Variants in MYOZ2 observed in about 807,000 individuals in gnomAD.
The protein encoded by MYOZ2 is myozenin-2.
Under a neutral mutation model 25.4 loss-of-function variants are expected in MYOZ2, and 19 were observed. That is an observed-to-expected ratio of 0.75 (90% CI 0.52 to 1.10). The LOEUF (loss-of-function observed/expected upper bound fraction) is 1.10, where lower values mean the gene tolerates loss of function less well. MYOZ2 is among the 50% of genes least tolerant of loss of function. The probability of loss-of-function intolerance (pLI) is 0.00; values close to 1 mark genes in which losing one functional copy is unlikely to be tolerated. For synonymous variants in MYOZ2, 92 were observed against 106.9 expected (o/e 0.86, Z 0.86); for missense variants, 270 against 317.9 (o/e 0.85, Z 1.15).
chr4:119,175,802 C>T (rs1373574627), intron 5 of MYOZ2, among the ~76,000 whole-genome samples: 1 of 151,824 alleles, frequency 6.6e-6, no homozygotes, highest in Non-Finnish European at 1.5e-5. Flanking sequence ...TGTGCAATTG[C>T]ATGGGGCCCC....
chr4:119,142,063 G>T (rs550331986), intron 2 of MYOZ2, among the ~76,000 whole-genome samples: 2 of 152,250 alleles, frequency 1.3e-5, no homozygotes, highest in South Asian at 4.1e-4. Context: ...TGACACTGAT[G>T]GATGTGCCCA....
chr4:119,170,777 G>A (rs1293716124), intron 5 of MYOZ2, among the ~76,000 whole-genome samples: 2 of 152,214 alleles, frequency 1.3e-5, no homozygotes, highest in Non-Finnish European at 2.9e-5. Context: ...AATTCATGGC[G>A]TAAGATTTTT....
At chr4:119,161,912 G>T (rs1400137319) in intron 4 of MYOZ2, among the ~76,000 whole-genome samples, 1 of 152,146 alleles carries the variant, frequency 6.6e-6, no homozygotes, top group Non-Finnish European at 1.5e-5. Flanking sequence ...TGTTAGGGTG[G>T]TGAGATTTTG....
chr4:119,166,326 C>T (rs944565688), intron 5 of MYOZ2, among the ~76,000 whole-genome samples: 2 of 151,908 alleles, frequency 1.3e-5, no homozygotes. Context: ...TGCCTGTAAT[C>T]CCAGCACTTT....
At chr4:119,162,975 G>C (rs1007570483) in intron 4 of MYOZ2, among the ~76,000 whole-genome samples, 1 of 152,104 alleles carries the variant, frequency 6.6e-6, no homozygotes, top group Non-Finnish European at 1.5e-5. Context: ...TCAGTAGAGG[G>C]CTTGATTATT....
intron 2 of MYOZ2, among the ~76,000 whole-genome samples, chr4:119,143,927 G>T (rs1439061722): frequency 2.6e-5 from 4 of 151,980 alleles, no homozygotes; most frequent in African/African-American, 7.3e-5. Flanking sequence ...GATAATCATA[G>T]TTTCACCTGC....
chr4:119,160,370 T>C (rs1741678914), intron 4 of MYOZ2, among the ~76,000 whole-genome samples: 1 of 151,970 alleles, frequency 6.6e-6, no homozygotes, highest in South Asian at 2.1e-4. Context: ...GAAAAGTGAA[T>C]GTTGATACAA....
chr4:119,136,954 A>C (rs546523887), intron 2 of MYOZ2, among the ~76,000 whole-genome samples: 2 of 152,070 alleles, frequency 1.3e-5, no homozygotes, highest in South Asian at 4.1e-4. Context: ...TGTCCATCCC[A>C]CATGGTTTAG....
chr4:119,156,911 G>A (rs1302335045), intron 3 of MYOZ2, among the ~76,000 whole-genome samples: 1 of 152,134 alleles, frequency 6.6e-6, no homozygotes, highest in Admixed American at 6.5e-5. Flanking sequence ...CATAAAAATG[G>A]AGATAAACTT....
intron 5 of MYOZ2, among the ~76,000 whole-genome samples, chr4:119,170,794 T>A: frequency 6.6e-6 from 1 of 152,062 alleles, no homozygotes; most frequent in East Asian, 1.9e-4. Context: ...TTTTCAAAAT[T>A]GACAAAAGAC....
chr4:119,138,977 C>T (rs1468643044), intron 2 of MYOZ2, among the ~76,000 whole-genome samples: 2 of 152,072 alleles, frequency 1.3e-5, no homozygotes, highest in East Asian at 1.9e-4. Context: ...GGAGTGATAA[C>T]CTCAAAGAAT....
chr4:119,156,598 T>C (rs542873661), intron 3 of MYOZ2, among the ~76,000 whole-genome samples: 1 of 152,162 alleles, frequency 6.6e-6, no homozygotes, highest in Non-Finnish European at 1.5e-5. Flanking sequence ...CCAAAATAGA[T>C]CTTTTAAAAT....
chr4:119,176,573 C>T (rs1481942187), intron 5 of MYOZ2, among the ~76,000 whole-genome samples: 2 of 152,138 alleles, frequency 1.3e-5, no homozygotes, highest in Non-Finnish European at 2.9e-5. Flanking sequence ...GATAAAATAT[C>T]ATCTTGAACA....
In MYOZ2 at chr4:119,186,161, T is replaced by C; in HGVS notation, c.756T>C (p.Pro252=). 6.2e-7 allele frequency: 1 copy of C among 1,613,744 alleles called. No individual in the cohort carries two copies. The highest frequency in any genetic ancestry group is 8.5e-7 in the Non-Finnish European group (1 of 1,179,710). ...ENIPIVITTE[P]TDDTTVPESE... ...TTCCTATAGTGATAACAACCGAACC[T>C]ACAGATGATACCACTGTACCAGAAT... is the stretch of plus-strand genomic sequence containing the variant. The change falls in exon 6 of 6, where the codon CCT becomes CCC. Residue 252 remains proline (P), a synonymous_variant. Transcript: ENST00000307128.
chr4:119,141,862 A>C (rs909030577), intron 2 of MYOZ2, among the ~76,000 whole-genome samples: 1 of 152,226 alleles, frequency 6.6e-6, no homozygotes, highest in African/African-American at 2.4e-5. Flanking sequence ...CTGTGTGCTC[A>C]GCTGACAGCG....
chr4:119,158,812 A>G (rs1741644369), intron 4 of MYOZ2, among the ~76,000 whole-genome samples: 1 of 152,316 alleles, frequency 6.6e-6, no homozygotes, highest in African/African-American at 2.4e-5. Flanking sequence ...TATTAATTAC[A>G]ATCCTCATTT....
intron 2 of MYOZ2, among the ~76,000 whole-genome samples, chr4:119,149,884 G>C (rs1376584325): frequency 6.6e-6 from 1 of 152,100 alleles, no homozygotes; most frequent in Non-Finnish European, 1.5e-5. Flanking sequence ...AATTTAACAA[G>C]TAATTCTGTT....
chr4:119,180,376 C>T (rs1485645918), intron 5 of MYOZ2, among the ~76,000 whole-genome samples: 1 of 152,136 alleles, frequency 6.6e-6, no homozygotes, highest in Non-Finnish European at 1.5e-5. Context: ...TGATTCCCAC[C>T]TATGCATGGG....
intron 4 of MYOZ2, among the ~76,000 whole-genome samples, chr4:119,163,429 A>G (rs535390777): frequency 1.3e-5 from 2 of 152,314 alleles, no homozygotes; most frequent in Admixed American, 1.3e-4. Flanking sequence ...CAGAAAGTAG[A>G]TAACTGTGCC....
Sources: allele counts gnomAD v4.1 joint callset (sites outside exome capture counted in the v4.1 genomes callset), GRCh38; gene constraint gnomAD v4.1.1; transcripts MANE v1.5; gene names NCBI Gene and HGNC (gene_info 2026-07-23, HGNC 2026-07-21).